Variants in SGCZ observed in about 807,000 individuals in gnomAD.
SGCZ encodes zeta-sarcoglycan.
Under a neutral mutation model 41.3 loss-of-function variants are expected in SGCZ, and 40 were observed. The observed-to-expected ratio is 0.97, with a 90% CI of 0.75 to 1.26. The LOEUF is 1.26. Among genes scored for constraint, SGCZ ranks in the 50% most tolerant of loss-of-function variants. The pLI, the probability that SGCZ is intolerant of heterozygous loss-of-function variation, is 0.00. For synonymous variants in SGCZ, 206 were observed against 137.5 expected, an observed-to-expected ratio of 1.50 and a Z score of -3.49; for missense variants, 552 against 369.8, an observed-to-expected ratio of 1.49 and a Z score of -4.04.
chr8:14,409,393 C>T (rs886787357), intron 2 of SGCZ, among the ~76,000 whole-genome samples: 1 of 151,698 alleles, frequency 6.6e-6, no homozygotes, highest in African/African-American at 2.4e-5. Flanking sequence ...AAATATTGAT[C>T]GTATCATTAA....
chr8:14,995,155 T>C (rs1157429996), intron 1 of SGCZ, among the ~76,000 whole-genome samples: 2 of 152,356 alleles, frequency 1.3e-5, no homozygotes, highest in African/African-American at 2.4e-5. Flanking sequence ...TGGTGAGGCA[T>C]TTGGACAGGG....
rs187783092 is a variant in SGCZ at position 14,138,582 on chromosome 8, A to C, written c.547+25998T>G. ...TGGACTTCAAACCAACAAAGATCAA[A>C]AGAGACAAAGAAGGGCATTACATAA... On this transcript the variant is annotated intron_variant, in intron 5 of 7. Coordinates refer to ENST00000382080, the MANE Select transcript of SGCZ (RefSeq NM_139167.4). Among the ~76,000 whole-genome samples the C allele has an allele frequency of 5.5e-3, 841 of 152,242 alleles. 6 individuals carry two copies. The highest frequency in any genetic ancestry group is 0.019 in the African/African-American group (800 of 41,536).
chr8:14,176,704 G>A (rs778821646), intron 4 of SGCZ, among the ~76,000 whole-genome samples: 3 of 152,150 alleles, frequency 2.0e-5, no homozygotes, highest in Non-Finnish European at 4.4e-5. Context: ...GTTCAAGTGG[G>A]TGGGGGGCCA....
At chr8:14,280,511 G>A (rs992480176) in intron 3 of SGCZ, among the ~76,000 whole-genome samples, 1 of 151,778 alleles carries the variant, frequency 6.6e-6, no homozygotes, top group African/African-American at 2.4e-5. Context: ...ATATCCATAT[G>A]AAATATGACT....
At chr8:14,180,516 C>T (rs1186635600) in intron 4 of SGCZ, among the ~76,000 whole-genome samples, 2 of 151,944 alleles carry the variant, frequency 1.3e-5, no homozygotes, top group Non-Finnish European at 2.9e-5. Flanking sequence ...ACTGGAAGTC[C>T]CATTTATCAT....
At chr8:14,740,291 G>T (rs1485205196) in intron 1 of SGCZ, among the ~76,000 whole-genome samples, 1 of 151,926 alleles carries the variant, frequency 6.6e-6, no homozygotes, top group Non-Finnish European at 1.5e-5. Context: ...CTAATTCCAG[G>T]GAAGGATCCT....
chr8:14,566,567 G>C (rs1013159596), intron 1 of SGCZ, among the ~76,000 whole-genome samples: 1 of 152,228 alleles, frequency 6.6e-6, no homozygotes, highest in African/African-American at 2.4e-5. Context: ...AGTACAATTT[G>C]CCTTTCCACC....
intron 2 of SGCZ, among the ~76,000 whole-genome samples, chr8:14,357,188 C>T (rs1377260791): frequency 6.6e-6 from 1 of 152,124 alleles, no homozygotes; most frequent in Non-Finnish European, 1.5e-5. Context: ...ACCACAGATA[C>T]TTTCAAATAC....
At chr8:14,096,276 C>T (rs950764477) in intron 7 of SGCZ, among the ~76,000 whole-genome samples, 12 of 152,062 alleles carry the variant, frequency 7.9e-5, no homozygotes, top group Admixed American at 7.9e-4. Flanking sequence ...AGATACATCC[C>T]ATCAATATGT....
intron 5 of SGCZ, among the ~76,000 whole-genome samples, chr8:14,149,296 C>A (rs1297647052): frequency 6.6e-6 from 1 of 152,018 alleles, no homozygotes; most frequent in African/African-American, 2.4e-5. Flanking sequence ...CAAGATTCCC[C>A]CCAAAATGAT....
intron 1 of SGCZ, among the ~76,000 whole-genome samples, chr8:15,142,956 G>A (rs190914134): frequency 3.0e-4 from 46 of 152,222 alleles, no homozygotes; most frequent in African/African-American, 1.0e-3. Context: ...TATTTTTATG[G>A]TACACTGAAA....
intron 5 of SGCZ, among the ~76,000 whole-genome samples, chr8:14,146,490 A>G (rs1803524024): frequency 6.6e-6 from 1 of 152,238 alleles, no homozygotes; most frequent in African/African-American, 2.4e-5. Context: ...GTAAGAAATC[A>G]TCTAAAGGTA....
intron 1 of SGCZ, among the ~76,000 whole-genome samples, chr8:14,598,361 C>T (rs983336049): frequency 5.3e-5 from 8 of 151,814 alleles, no homozygotes; most frequent in African/African-American, 1.9e-4. Context: ...AACATTTAGT[C>T]ATATTTGTTA....
rs1380585812 is a variant in SGCZ, at chr8:14,348,201, T to C, written c.235-23997A>G. On this transcript the variant is annotated intron_variant, in intron 2 of 7. Transcript: ENST00000382080. Reference sequence around the variant, plus strand: ...GCCATTGGAACAAGACATGCAGACCTTTATCCTGCACCACTCCTGCATGTT... The same window carrying C: ...GCCATTGGAACAAGACATGCAGACCCTTATCCTGCACCACTCCTGCATGTT... 3.9e-5 allele frequency among the ~76,000 whole-genome samples: 6 copies of C among 152,092 alleles called. No homozygotes were observed. In the South Asian group the frequency reaches 1.0e-3, roughly 26 times the overall value.
At chr8:14,167,239 T>C (rs1178616888) in intron 4 of SGCZ, among the ~76,000 whole-genome samples, 1 of 152,188 alleles carries the variant, frequency 6.6e-6, no homozygotes, top group African/African-American at 2.4e-5. Context: ...GTGTTACTTA[T>C]CTGTTTTTCA....
At chr8:14,785,581 T>C (rs367605752) in intron 1 of SGCZ, among the ~76,000 whole-genome samples, 2 of 152,298 alleles carry the variant, frequency 1.3e-5, no homozygotes, top group African/African-American at 4.8e-5. Flanking sequence ...GTGGTTCCCA[T>C]GTCCTGACCC....
intron 1 of SGCZ, among the ~76,000 whole-genome samples, chr8:14,627,058 C>A (rs1806483507): frequency 6.6e-6 from 1 of 152,124 alleles, no homozygotes; most frequent in South Asian, 2.1e-4. Context: ...AATCTTGAAC[C>A]TAACATTTGG....
intron 1 of SGCZ, among the ~76,000 whole-genome samples, chr8:14,726,992 T>C (rs1309196360): frequency 6.6e-6 from 1 of 152,046 alleles, no homozygotes; most frequent in South Asian, 2.1e-4. Context: ...GTGTTGTTCA[T>C]CAAAAGACAC....
At chr8:14,387,923 G>A (rs955369634) in intron 2 of SGCZ, among the ~76,000 whole-genome samples, 1 of 152,028 alleles carries the variant, frequency 6.6e-6, no homozygotes, top group East Asian at 1.9e-4. Context: ...AGAGAGAGAA[G>A]TGGAATGAAA....
Sources: allele counts gnomAD v4.1 joint callset (sites outside exome capture counted in the v4.1 genomes callset), GRCh38; gene constraint gnomAD v4.1.1; transcripts MANE v1.5; gene names NCBI Gene and HGNC (gene_info 2026-07-23, HGNC 2026-07-21).